STXBP4: variants seen among roughly 807,000 people sequenced by gnomAD.
STXBP4 encodes syntaxin-binding protein 4.
A neutral mutation model predicts 76.1 loss-of-function variants in STXBP4; 55 were observed. The ratio of observed to expected loss-of-function variants is 0.72; its 90% CI spans 0.58 to 0.91. The LOEUF (loss-of-function observed/expected upper bound fraction) is 0.91. Ranked by LOEUF, STXBP4 falls within the 40% of genes least tolerant of loss-of-function variation. The pLI, the probability that STXBP4 is intolerant of heterozygous loss-of-function variation, is 0.00. For synonymous variants in STXBP4, 201 were observed against 220.2 expected, an observed-to-expected ratio of 0.91 and a Z score of 0.77; for missense variants, 618 against 636.9, an observed-to-expected ratio of 0.97 and a Z score of 0.32.
chr17:54,997,793 G>T (rs868299991), intron 4 of STXBP4, among the ~76,000 whole-genome samples: 18 of 133,566 alleles, frequency 1.3e-4, no homozygotes, highest in Middle Eastern at 4.1e-3. Flanking sequence ...TAACTATGTT[G>T]CCCAGGCTGG....
At chr17:55,185,405 A>G in the STXBP4 span, among the ~76,000 whole-genome samples, 17 of 149,152 alleles carry the variant, frequency 1.1e-4, no homozygotes, top group Non-Finnish European at 2.5e-4. Flanking sequence ...TTACAAAGCC[A>G]TGGGGCATTA....
chr17:55,134,926 TG>T (rs1445833635), intron 16 of STXBP4, among the ~76,000 whole-genome samples: 3 of 103,460 alleles, frequency 2.9e-5, no homozygotes, highest in African/African-American at 1.4e-4. Flanking sequence ...GTCTAGGTCA[TG>T]GGATCAGAGT....
chr17:55,170,578 A>G lies in STXBP4; in HGVS notation c.*10667A>G, dbSNP rs1304683950. 6.6e-6 allele frequency: 1 copy of G among 152,140 alleles called. No homozygotes were observed. Among genetic ancestry groups the G allele is most frequent in the Non-Finnish European group, 1.5e-5 (1 of 68,028 alleles). The allele number at this position is 152,140 out of a possible 1,614,324, so 9.4% of individuals were successfully genotyped here. ...TGAAAAAAGTGTATCTGATTTGATT[A>G]TATATTTTTATTTCCACTTATATTT... is the stretch of plus-strand genomic sequence containing the variant. On this transcript the variant is annotated 3_prime_UTR_variant, in exon 18 of 18. Transcript: ENST00000376352.
intron 12 of STXBP4, among the ~76,000 whole-genome samples, chr17:55,051,957 A>G (rs1471559670): frequency 6.6e-6 from 1 of 152,152 alleles, no homozygotes; most frequent in East Asian, 1.9e-4. Flanking sequence ...CAAGTTTAAA[A>G]TATCAAGTAG....
chr17:55,036,898 A>C (rs1448169349), intron 10 of STXBP4, among the ~76,000 whole-genome samples: 1 of 152,136 alleles, frequency 6.6e-6, no homozygotes, highest in Non-Finnish European at 1.5e-5. Context: ...TTCCAGAAAC[A>C]CAGAGTATAT....
At chr17:55,007,113 A>C (rs1307674429) in intron 7 of STXBP4, among the ~76,000 whole-genome samples, 1 of 151,928 alleles carries the variant, frequency 6.6e-6, no homozygotes. Context: ...TGAGGCAGGC[A>C]GATCACCTGA....
At chr17:55,179,152 T>C in the STXBP4 span, among the ~76,000 whole-genome samples, 1 of 152,198 alleles carries the variant, frequency 6.6e-6, no homozygotes, top group African/African-American at 2.4e-5. Flanking sequence ...CAAAGCTACA[T>C]ATAATTTTTT....
intron 1 of STXBP4, among the ~76,000 whole-genome samples, chr17:54,982,282 G>T (rs867255168): frequency 6.6e-6 from 1 of 152,180 alleles, no homozygotes; most frequent in East Asian, 1.9e-4. Flanking sequence ...CACCATATGC[G>T]TTATGGACAG....
Position 54,992,805 on chromosome 17 carries a change from G to C in STXBP4, c.180+1848G>C, listed in dbSNP as rs1254590395. Among the ~76,000 whole-genome samples, 4 of 147,578 alleles carry C rather than the reference G, an allele frequency of 2.7e-5. No homozygotes were observed. The East Asian group carries it at 8.4e-4, about 31-fold the overall frequency. ...GGCTCACTGCAACCTCCACCTCCCA[G>C]GTTCAAGCGATTCTCCCACCTCTCA... On this transcript the variant is annotated intron_variant, in intron 4 of 17. Coordinates refer to ENST00000376352, the MANE Select transcript of STXBP4 (RefSeq NM_178509.6).
rs527338201 is a variant in STXBP4, at chr17:55,010,187, A to T, written c.666+2590A>T. Among the ~76,000 whole-genome samples the T allele has an allele frequency of 2.1e-4, 32 of 152,146 alleles. No homozygotes were observed. In the South Asian group the frequency reaches 6.4e-3, roughly 31 times the overall value. On this transcript the variant is annotated intron_variant, in intron 8 of 17. Coordinates refer to ENST00000376352, the MANE Select transcript of STXBP4 (RefSeq NM_178509.6). ...ATTAAGTAATTAGCCTACCCAGTACAATTTTTAAGGAAAGCAGAGAGGTTA... is the reference window on the plus strand; with the variant it reads ...ATTAAGTAATTAGCCTACCCAGTACTATTTTTAAGGAAAGCAGAGAGGTTA...
At chr17:55,186,282 G>A in the STXBP4 span, among the ~76,000 whole-genome samples, 1 of 152,150 alleles carries the variant, frequency 6.6e-6, no homozygotes, top group African/African-American at 2.4e-5. Flanking sequence ...AATAGTGAAT[G>A]CCATAAAAAG....
chr17:55,063,411 T>C (rs2079016426), intron 12 of STXBP4, among the ~76,000 whole-genome samples: 1 of 152,230 alleles, frequency 6.6e-6, no homozygotes, highest in Non-Finnish European at 1.5e-5. Context: ...TTCATTTGAT[T>C]ATTACCTATA....
intron 17 of STXBP4, among the ~76,000 whole-genome samples, chr17:55,158,810 G>A (rs1024236282): frequency 1.3e-5 from 2 of 152,184 alleles, no homozygotes; most frequent in Admixed American, 6.5e-5. Context: ...AAATAGGAAG[G>A]CCTAAAAATA....
At chr17:55,140,651 G>A (rs971215067) in intron 16 of STXBP4, among the ~76,000 whole-genome samples, 1 of 152,066 alleles carries the variant, frequency 6.6e-6, no homozygotes, top group African/African-American at 2.4e-5. Flanking sequence ...GCCAAATATT[G>A]CTTGCTTACG....
Position 55,078,176 on chromosome 17 carries a change from G to T in STXBP4, c.1287G>T (p.Lys429Asn), listed in dbSNP as rs142759175. The T allele has an allele frequency of 9.3e-6, 15 of 1,609,990 alleles. No homozygotes were observed. Among genetic ancestry groups the T allele is most frequent in the Admixed American group, 5.1e-5 (3 of 59,316 alleles). The change falls in exon 14 of 18, where the codon AAG becomes AAT. Residue 429 changes from lysine to asparagine, a missense_variant. Coordinates refer to ENST00000376352, the MANE Select transcript of STXBP4 (RefSeq NM_178509.6). ...ARKTFEASTE[K>N]LLHFVEAIQE... ...AAACTTTTGAGGCATCCACTGAAAA[G>T]CTTCTTCATTTTGTAGAGGTAAGTT...
chr17:55,017,579 G>C (rs2078230732), intron 8 of STXBP4, among the ~76,000 whole-genome samples: 1 of 152,248 alleles, frequency 6.6e-6, no homozygotes, highest in African/African-American at 2.4e-5. Context: ...TTTCAAGAAA[G>C]TCGTGGTCGG....
At chr17:55,201,463 A>G in the STXBP4 span, among the ~76,000 whole-genome samples, 2 of 152,054 alleles carry the variant, frequency 1.3e-5, no homozygotes, top group Non-Finnish European at 2.9e-5. Context: ...ATGGGAAGCA[A>G]AAAGAGAAGA....
intron 16 of STXBP4, among the ~76,000 whole-genome samples, chr17:55,085,737 G>T (rs2144937843): frequency 6.6e-6 from 1 of 152,114 alleles, no homozygotes; most frequent in African/African-American, 2.4e-5. Context: ...AGACCCTCTG[G>T]GGTAAGTTCT....
At chr17:55,045,889 A>C (rs531679960) in intron 11 of STXBP4, among the ~76,000 whole-genome samples, 1 of 152,098 alleles carries the variant, frequency 6.6e-6, no homozygotes, top group Non-Finnish European at 1.5e-5. Flanking sequence ...TTCTACTTGT[A>C]TTATACACTC....
Sources: gnomAD v4.1 joint callset for allele counts (sites outside exome capture counted in the v4.1 genomes callset) on GRCh38, gnomAD v4.1.1 for gene constraint, MANE v1.5 for transcripts, NCBI Gene and HGNC (gene_info 2026-07-23, HGNC 2026-07-21) for gene names.